Variants in PCDHA2 observed in about 807,000 individuals in gnomAD.
PCDHA2 encodes protocadherin alpha 2.
In PCDHA2, 58 loss-of-function variants were observed where a neutral mutation model predicts 66.0. That is an observed-to-expected ratio of 0.88 (90% CI 0.71 to 1.09). The LOEUF is 1.09. Ranked by LOEUF, PCDHA2 falls within the 50% of genes least tolerant of loss-of-function variation. The probability of loss-of-function intolerance (pLI) is 0.00; values close to 1 mark genes in which losing one functional copy is unlikely to be tolerated. For missense variants in PCDHA2, 1,267 were observed against 1,242.3 expected (o/e 1.02, Z -0.30); for synonymous variants, 634 against 554.0 (o/e 1.14, Z -2.03).
Position 140,803,082 on chromosome 5 carries a change from G to A in PCDHA2, c.2388+5730G>A, listed in dbSNP as rs782050127. On this transcript the variant is annotated intron_variant, in intron 1 of 3. Transcript: ENST00000526136. ...CCCGTTTCGCGTGGGGCTGTACACG[G>A]GAGAGATCAGCACGACCCGTGCCCT... The A allele has an allele frequency of 5.6e-6, 9 of 1,613,954 alleles. No individual in the cohort carries two copies. The South Asian group carries it at 8.8e-5, about 16-fold the overall frequency.
In PCDHA2 at chr5:140,919,817, T is replaced by C. The variant is rs889103078; in HGVS notation, c.2389-59132T>C. Among the ~76,000 whole-genome samples the C allele has an allele frequency of 4.6e-5, 7 of 152,350 alleles. No homozygotes were observed. In the South Asian group the frequency reaches 1.0e-3, roughly 23 times the overall value. On this transcript the variant is annotated intron_variant, in intron 1 of 3. Coordinates refer to ENST00000526136, the MANE Select transcript of PCDHA2 (RefSeq NM_018905.3). ...TGGATTGAATTGTGGGCCTCAAAAA[T>C]ATATGTCCACATAGTAACCTTTGGA...
chr5:140,862,513 A>G, intron 1 of PCDHA2: 1 of 408,216 alleles, frequency 2.4e-6, no homozygotes, highest in Non-Finnish European at 4.9e-6. Context: ...ACTCGCTTTC[A>G]TTGTTGGCCA....
At chr5:140,807,035 G>A in intron 1 of PCDHA2, 2 of 938,898 alleles carry the variant, frequency 2.1e-6, no homozygotes, top group Non-Finnish European at 3.2e-6. Context: ...GAGGAAGAAG[G>A]GAAAATTCCT....
At chr5:140,961,387 C>T (rs1249667395) in intron 1 of PCDHA2, among the ~76,000 whole-genome samples, 1 of 152,148 alleles carries the variant, frequency 6.6e-6, no homozygotes, top group Admixed American at 6.5e-5. Flanking sequence ...TTGAACTATT[C>T]CATTAGTAAA....
chr5:140,923,171 G>T (rs1236853762), intron 1 of PCDHA2, among the ~76,000 whole-genome samples: 1 of 152,112 alleles, frequency 6.6e-6, no homozygotes, highest in Non-Finnish European at 1.5e-5. Flanking sequence ...ATAAATTTTT[G>T]TTCAGATGCA....
intron 1 of PCDHA2, among the ~76,000 whole-genome samples, chr5:140,953,811 A>T (rs782282216): frequency 3.3e-5 from 5 of 152,074 alleles, no homozygotes; most frequent in Non-Finnish European, 5.9e-5. Context: ...TCTGAGGTGC[A>T]TGTGCTAGTT....
intron 1 of PCDHA2, chr5:140,877,084 C>G: frequency 6.2e-7 from 1 of 1,613,176 alleles, no homozygotes; most frequent in Non-Finnish European, 8.5e-7. Flanking sequence ...GGTGAGCGCG[C>G]GCGACGCCGG....
chr5:140,953,316 T>G (rs782746401), intron 1 of PCDHA2, among the ~76,000 whole-genome samples: 3 of 152,138 alleles, frequency 2.0e-5, no homozygotes, highest in Non-Finnish European at 2.9e-5. Flanking sequence ...TGGGAAGAAT[T>G]TGATCATAGA....
chr5:140,987,589 G>A (rs1554249335), intron 3 of PCDHA2, among the ~76,000 whole-genome samples: 1 of 152,180 alleles, frequency 6.6e-6, no homozygotes, highest in Non-Finnish European at 1.5e-5. Context: ...GGGGAGAATA[G>A]TGGTGTCTAC....
Position 140,796,210 on chromosome 5 carries a change from G to A in PCDHA2, c.1246G>A (p.Glu416Lys), listed in dbSNP as rs782513202. 5.0e-6 allele frequency: 8 copies of A among 1,614,190 alleles called. No homozygotes were observed. Among genetic ancestry groups the A allele is most frequent in the African/African-American group, 1.3e-5 (1 of 75,072 alleles). ...GGTGCTGGACAGCGCCCTGGACCGC[G>A]AGAGCGTGTCAGCCTATGAGCTGGT... is the stretch of plus-strand genomic sequence containing the variant. The part of the protein sequence containing the change: ...SLVLDSALDR[E>K]SVSAYELVVT... Residue 416 changes from glutamate to lysine, a missense_variant, in exon 1 of 4, where the codon GAG becomes AAG. By Grantham distance (56) the Glu-to-Lys change is moderately conservative (BLOSUM62 1). Coordinates refer to ENST00000526136, the MANE Select transcript of PCDHA2 (RefSeq NM_018905.3).
chr5:140,898,808 C>T (rs1318586303), intron 1 of PCDHA2, among the ~76,000 whole-genome samples: 2 of 152,188 alleles, frequency 1.3e-5, no homozygotes, highest in Non-Finnish European at 2.9e-5. Context: ...GATACTGATT[C>T]TTCCTACCCA....
At chr5:140,959,234 G>A (rs2095475246) in intron 1 of PCDHA2, among the ~76,000 whole-genome samples, 2 of 152,106 alleles carry the variant, frequency 1.3e-5, no homozygotes, top group Admixed American at 6.5e-5. Context: ...AAAATTATCT[G>A]GGCATGATAG....
intron 1 of PCDHA2, among the ~76,000 whole-genome samples, chr5:140,833,088 A>G (rs1218866557): frequency 3.3e-5 from 5 of 152,214 alleles, no homozygotes; most frequent in Non-Finnish European, 7.3e-5. Flanking sequence ...TTTGAGTACT[A>G]GACGAGTAAT....
In PCDHA2 at chr5:140,829,286, T is replaced by C. The variant is rs2150165207; in HGVS notation, c.2388+31934T>C. 13 of 1,614,254 alleles carry C rather than the reference T, an allele frequency of 8.1e-6. No individual in the cohort carries two copies. The African/African-American group carries it at 1.3e-4, about 17-fold the overall frequency. ...GCCTCACGTCCCTTTCAAGCTGGTG[T>C]CCACCTTCAAGAATTACTACTCGTT... is the stretch of plus-strand genomic sequence containing the variant. On this transcript the variant is annotated intron_variant, in intron 1 of 3. Transcript: ENST00000526136.
intron 1 of PCDHA2, chr5:140,822,422 G>A (rs1429396395): frequency 2.5e-6 from 4 of 1,613,922 alleles, no homozygotes; most frequent in Non-Finnish European, 3.4e-6. Context: ...GCAACTGATG[G>A]AGGAAAACCC....
chr5:140,805,008 G>T, intron 1 of PCDHA2: 1 of 1,547,302 alleles, frequency 6.5e-7, no homozygotes, highest in East Asian at 2.3e-5. Context: ...ATTTAGTTCT[G>T]TTATCAGCTT....
intron 1 of PCDHA2, chr5:140,843,458 C>T: frequency 6.3e-7 from 1 of 1,596,092 alleles, no homozygotes; most frequent in Non-Finnish European, 8.6e-7. Flanking sequence ...CCTGCTGGTG[C>T]TCACGCTGCT....
intron 1 of PCDHA2, chr5:140,876,170 T>C (rs781910243): frequency 6.2e-7 from 1 of 1,613,982 alleles, no homozygotes; most frequent in African/African-American, 1.3e-5. Context: ...ATAACCGTCC[T>C]GGATGTGAAT....
chr5:141,010,152 T>C lies in PCDHA2; in HGVS notation c.*215T>C. The C allele has an allele frequency of 1.3e-6, 2 of 1,575,858 alleles. No individual in the cohort carries two copies. The highest frequency in any genetic ancestry group is 1.7e-6 in the Non-Finnish European group (2 of 1,159,570). On this transcript the variant is annotated 3_prime_UTR_variant, in exon 4 of 4. Coordinates refer to ENST00000526136, the MANE Select transcript of PCDHA2 (RefSeq NM_018905.3). ...TGGTGTTAACTCTTTCTCTCCACTCTGGCTTGTTTTCAGAACCTAAAAAGC... is the reference window on the plus strand; with the variant it reads ...TGGTGTTAACTCTTTCTCTCCACTCCGGCTTGTTTTCAGAACCTAAAAAGC...
Sources: allele counts gnomAD v4.1 joint callset (sites outside exome capture counted in the v4.1 genomes callset), GRCh38; gene constraint gnomAD v4.1.1; transcripts MANE v1.5; gene names NCBI Gene and HGNC (gene_info 2026-07-23, HGNC 2026-07-21).